The following UTS2B variants were observed in gnomAD, a reference collection of about 807,000 sequenced individuals.
UTS2B encodes the protein urotensin-2B.
A neutral mutation model predicts 19.2 loss-of-function variants in UTS2B; 21 were observed. The observed-to-expected ratio is 1.09, with a 90% CI of 0.78 to 1.58. The LOEUF (loss-of-function observed/expected upper bound fraction) is 1.58, where lower values mean the gene tolerates loss of function less well. Among genes scored for constraint, UTS2B ranks in the 40% most tolerant of loss-of-function variants. The probability of loss-of-function intolerance (pLI) is 0.00; values close to 1 mark genes in which losing one functional copy is unlikely to be tolerated. For synonymous variants in UTS2B, 57 were observed against 50.2 expected (o/e 1.14, Z -0.58); for missense variants, 138 against 130.3 (o/e 1.06, Z -0.29).
At chr3:191,294,554 A>C (rs1401741345) in intron 4 of UTS2B, 1 of 151,940 alleles carries the variant, frequency 6.6e-6, no homozygotes, top group Non-Finnish European at 1.5e-5. Context: ...CCATGTTGTC[A>C]CTTACTTTCT....
chr3:191,337,528 A>AG, the UTS2B span, among the ~76,000 whole-genome samples: 1 of 151,964 alleles, frequency 6.6e-6, no homozygotes, highest in African/African-American at 2.4e-5. Context: ...TATTTTTAGT[A>AG]GAGACAGGGT....
intron 2 of UTS2B, among the ~76,000 whole-genome samples, chr3:191,321,925 G>A (rs1168279428): frequency 3.9e-5 from 6 of 152,160 alleles, no homozygotes; most frequent in Admixed American, 6.5e-5. Context: ...TATTCGGGAG[G>A]CTGAGGCAGG....
chr3:191,345,703 C>T, the UTS2B span, among the ~76,000 whole-genome samples: 1 of 152,012 alleles, frequency 6.6e-6, no homozygotes, highest in African/African-American at 2.4e-5. Context: ...GTTTAGGTTA[C>T]CGGGGTTTTC....
rs16866426 is a variant in UTS2B at position 191,275,255 on chromosome 3, G to C, written c.331C>G (p.Arg111Gly). 38 of 1,598,862 alleles carry C rather than the reference G, an allele frequency of 2.4e-5. No homozygotes were observed. The highest frequency in any genetic ancestry group is 3.4e-5 in the Admixed American group (2 of 59,018). ...DGLFSSHPSK[R>G]ACFWKYCV ...AAACCTTGAAATGAAAGCTTACCTCGTTTGCTAGGATGAGAAGAGAATAGA... is the reference window on the plus strand; with the variant it reads ...AAACCTTGAAATGAAAGCTTACCTCCTTTGCTAGGATGAGAAGAGAATAGA... The change falls in exon 8 of 9, where the codon CGA becomes GGA. Residue 111 changes from arginine to glycine, a missense_variant. Transcript: ENST00000340524.
intron 3 of UTS2B, among the ~76,000 whole-genome samples, chr3:191,304,911 G>A (rs2108597315): frequency 6.6e-6 from 1 of 152,216 alleles, no homozygotes; most frequent in East Asian, 1.9e-4. Context: ...TCTTACAAGT[G>A]AGAACATACC....
intron 3 of UTS2B, among the ~76,000 whole-genome samples, chr3:191,309,642 G>A (rs1717236291): frequency 1.3e-5 from 2 of 152,062 alleles, no homozygotes; most frequent in Non-Finnish European, 2.9e-5. Flanking sequence ...TGGATCACAG[G>A]GGCAGAGTTC....
At chr3:191,284,710 G>C (rs145183251) in intron 4 of UTS2B, among the ~76,000 whole-genome samples, 2 of 151,522 alleles carry the variant, frequency 1.3e-5, no homozygotes, top group Admixed American at 1.3e-4. Flanking sequence ...CACGAGGCCA[G>C]GAGTTCATAT....
intron 3 of UTS2B, among the ~76,000 whole-genome samples, chr3:191,309,811 C>T (rs1224064566): frequency 6.6e-6 from 1 of 152,136 alleles, no homozygotes. Context: ...TTTTGCCTTC[C>T]GCCATGATTA....
intron 4 of UTS2B, among the ~76,000 whole-genome samples, chr3:191,283,572 A>C (rs1450987843): frequency 1.3e-5 from 2 of 152,212 alleles, no homozygotes; most frequent in African/African-American, 2.4e-5. Context: ...CTTTGAGAGC[A>C]GTTACAGTCA....
At chr3:191,289,302 G>A (rs1230701387) in intron 4 of UTS2B, among the ~76,000 whole-genome samples, 3 of 151,738 alleles carry the variant, frequency 2.0e-5, no homozygotes, top group African/African-American at 2.4e-5. Flanking sequence ...CCAGGTGCTC[G>A]GGAGGCTGAG....
At chr3:191,294,231 A>T (rs1246818563) in intron 4 of UTS2B, among the ~76,000 whole-genome samples, 3 of 151,990 alleles carry the variant, frequency 2.0e-5, no homozygotes, top group African/African-American at 7.3e-5. Context: ...CATGATGGAA[A>T]ATAAAACATT....
At chr3:191,336,978 T>A in the UTS2B span, among the ~76,000 whole-genome samples, 1 of 152,200 alleles carries the variant, frequency 6.6e-6, no homozygotes, top group African/African-American at 2.4e-5. Flanking sequence ...AAATAATGTT[T>A]TGTGATGTGA....
chr3:191,270,115 G>A (rs1183368811), intron 8 of UTS2B, among the ~76,000 whole-genome samples: 1 of 152,210 alleles, frequency 6.6e-6, no homozygotes, highest in Non-Finnish European at 1.5e-5. Context: ...AGTTTTTACT[G>A]TCTTAAGCTG....
chr3:191,341,506 C>G, the UTS2B span, among the ~76,000 whole-genome samples: 126 of 152,278 alleles, frequency 8.3e-4, no homozygotes, highest in African/African-American at 2.9e-3. Flanking sequence ...AAATTCAAAA[C>G]AGATCCAGGT....
At chr3:191,320,038 A>C (rs546570561) in intron 2 of UTS2B, among the ~76,000 whole-genome samples, 1 of 152,156 alleles carries the variant, frequency 6.6e-6, no homozygotes. Context: ...ACACTATTCT[A>C]TGTACTGACA....
At chr3:191,292,529 A>G (rs1716747526) in intron 4 of UTS2B, among the ~76,000 whole-genome samples, 1 of 152,200 alleles carries the variant, frequency 6.6e-6, no homozygotes, top group East Asian at 1.9e-4. Context: ...GAACCCATTT[A>G]TTAGCTCTGT....
At chr3:191,276,079 C>A (rs1361014776) in intron 7 of UTS2B, among the ~76,000 whole-genome samples, 1 of 152,148 alleles carries the variant, frequency 6.6e-6, no homozygotes. Context: ...TCTTTTCTAG[C>A]TGGAAGGAAA....
At chr3:191,295,047 A>C (rs1716821688) in intron 4 of UTS2B, among the ~76,000 whole-genome samples, 1 of 151,804 alleles carries the variant, frequency 6.6e-6, no homozygotes, top group South Asian at 2.1e-4. Context: ...CAACAACAAC[A>C]ACAACAAACT....
intron 3 of UTS2B, among the ~76,000 whole-genome samples, chr3:191,308,600 T>C (rs541957674): frequency 2.6e-5 from 4 of 152,326 alleles, no homozygotes; most frequent in Admixed American, 2.6e-4. Context: ...TGATGTTTTG[T>C]TGTTCCCCTG....
Sources: allele counts gnomAD v4.1 joint callset (sites outside exome capture counted in the v4.1 genomes callset), GRCh38; gene constraint gnomAD v4.1.1; transcripts MANE v1.5; gene names NCBI Gene and HGNC (gene_info 2026-07-23, HGNC 2026-07-21).